The following ZMIZ1 variants were observed in gnomAD, a reference collection of about 807,000 sequenced individuals.
ZMIZ1 encodes zinc finger MIZ-type containing 1.
A neutral mutation model predicts 113.9 loss-of-function variants in ZMIZ1; 17 were observed. That is an observed-to-expected ratio of 0.15 (90% confidence interval 0.10 to 0.22). The LOEUF (loss-of-function observed/expected upper bound fraction) is 0.22, where lower values mean the gene tolerates loss of function less well. ZMIZ1 is among the 10% of genes least tolerant of loss of function. ZMIZ1 has a pLI of 1.00. For missense variants in ZMIZ1, 1,059 were observed against 1,477.8 expected (o/e 0.72, Z 4.65); for synonymous variants, 607 against 603.1 (o/e 1.01, Z -0.09).
At chr10:79,312,572 C>T in intron 24 of ZMIZ1, 70 bp from the exon 25 acceptor site, 1 of 1,555,960 alleles carries the variant, frequency 6.4e-7, no homozygotes, top group Non-Finnish European at 8.9e-7. Context: ...CAGGGCGCCC[C>T]TGCATTCCTC....
chr10:79,117,600 T>C (rs1340418094), intron 1 of ZMIZ1, among the ~76,000 whole-genome samples: 2 of 152,214 alleles, frequency 1.3e-5, no homozygotes, highest in Admixed American at 1.3e-4. Context: ...TTCTAACACA[T>C]GTCTTCTGGT....
intron 23 of ZMIZ1, 48 bp downstream of exon 23, chr10:79,307,619 G>C: frequency 1.3e-6 from 2 of 1,579,194 alleles, no homozygotes; most frequent in Non-Finnish European, 1.7e-6. Context: ...CTTTGGGGTT[G>C]ATGCCTTGGG....
Position 79,304,163 on chromosome 10 carries a change from C to A in ZMIZ1, c.2274C>A (p.Cys758Ter). The A allele has an allele frequency of 6.2e-7, 1 of 1,613,512 alleles. No individual in the cohort carries two copies. The highest frequency in any genetic ancestry group is 8.5e-7 in the Non-Finnish European group (1 of 1,179,544). The change falls in exon 19 of 25, where the codon TGC becomes TGA. Residue 758 changes from cysteine to a stop codon, truncating the protein, a stop_gained. Transcript: ENST00000334512. LOFTEE classifies it high-confidence loss of function. ...AGCTGCCTGCTCGAGGACACGATTGCAAGCATGTGCAGGTGAGCGGCCCCA... is the reference window on the plus strand; with the variant it reads ...AGCTGCCTGCTCGAGGACACGATTGAAAGCATGTGCAGGTGAGCGGCCCCA... ...RIQLPARGHD[C>*]KHVQCFDLES...
At chr10:79,194,441 T>TTGGCTGCCACCCTTGGGAGC (rs1441973193) in intron 4 of ZMIZ1, among the ~76,000 whole-genome samples, 4 of 152,352 alleles carry the variant, frequency 2.6e-5, no homozygotes, top group African/African-American at 9.6e-5. Flanking sequence ...GACTGTTCGG[T>TTGGCTGCCACCCTTGGGAGC]TGGCTGCCAC....
chr10:79,301,791 C>T (rs901343802), intron 17 of ZMIZ1, among the ~76,000 whole-genome samples: 2 of 151,986 alleles, frequency 1.3e-5, no homozygotes, highest in African/African-American at 4.8e-5. Flanking sequence ...AGCACCCTGG[C>T]AGGAAGGGCT....
intron 6 of ZMIZ1, among the ~76,000 whole-genome samples, chr10:79,209,628 A>G (rs1848460461): frequency 6.6e-6 from 1 of 152,246 alleles, no homozygotes; most frequent in Non-Finnish European, 1.5e-5. Context: ...AAAGGCCCAC[A>G]TGGCCTTGGC....
chr10:79,158,466 C>T (rs1235382707), intron 3 of ZMIZ1, among the ~76,000 whole-genome samples: 1 of 152,228 alleles, frequency 6.6e-6, no homozygotes, highest in Non-Finnish European at 1.5e-5. Context: ...AAACCCAATT[C>T]TACCCACTCT....
chr10:79,144,100 C>T (rs1240211596), intron 3 of ZMIZ1, among the ~76,000 whole-genome samples: 2 of 152,120 alleles, frequency 1.3e-5, no homozygotes, highest in African/African-American at 4.8e-5. Flanking sequence ...TTAGTGTGCC[C>T]GGCGGAGGGG....
intron 4 of ZMIZ1, among the ~76,000 whole-genome samples, chr10:79,183,358 GCACA>G (rs57212618): frequency 0.26 from 38,550 of 150,606 alleles, 6,246 homozygotes; most frequent in African/African-American, 0.47. Context: ...TCGTGCACGC[GCACA>G]CACACACACA....
intron 6 of ZMIZ1, among the ~76,000 whole-genome samples, chr10:79,213,124 C>A (rs1429009771): frequency 6.6e-6 from 1 of 152,200 alleles, no homozygotes; most frequent in African/African-American, 2.4e-5. Context: ...CAGCCACTCA[C>A]ACTGGCCTTT....
chr10:79,187,433 G>C (rs930970131), intron 4 of ZMIZ1, among the ~76,000 whole-genome samples: 5 of 152,226 alleles, frequency 3.3e-5, no homozygotes, highest in Non-Finnish European at 5.9e-5. Context: ...ACCTCTCTGG[G>C]CCTCAGGTTC....
At chr10:79,188,393 C>G (rs1012472293) in intron 4 of ZMIZ1, among the ~76,000 whole-genome samples, 2 of 152,214 alleles carry the variant, frequency 1.3e-5, no homozygotes, top group African/African-American at 2.4e-5. Context: ...TCTTCCCGCC[C>G]CCGAGCCAGT....
At chr10:79,293,821 C>A in intron 12 of ZMIZ1, 168 bp downstream of exon 12, 1 of 1,022,188 alleles carries the variant, frequency 9.8e-7, no homozygotes, top group Non-Finnish European at 1.5e-6. Context: ...CCTGGTTCTG[C>A]TGTTTCCCAA....
intron 7 of ZMIZ1, among the ~76,000 whole-genome samples, chr10:79,260,161 G>A (rs1458425313): frequency 3.3e-5 from 5 of 152,252 alleles, no homozygotes; most frequent in Admixed American, 3.3e-4. Flanking sequence ...TTGTGTACCT[G>A]CAGTGCCCTG....
At chr10:79,201,548 C>G (rs919367468) in intron 4 of ZMIZ1, 36 bp from the exon 5 acceptor site, 2 of 1,509,730 alleles carry the variant, frequency 1.3e-6, no homozygotes, top group Non-Finnish European at 1.8e-6. Context: ...GCAGGCCTGG[C>G]GTGATCCAGT....
chr10:79,308,219 T>A (rs1854865130), intron 23 of ZMIZ1, among the ~76,000 whole-genome samples: 2 of 152,164 alleles, frequency 1.3e-5, no homozygotes, highest in Non-Finnish European at 2.9e-5. Context: ...GCCACGTGGT[T>A]CCACTCATTT....
rs1848415082 is a variant in ZMIZ1 at position 79,208,371 on chromosome 10, C to T, written c.96C>T (p.Ala32=). 2 of 1,614,166 alleles carry T rather than the reference C, an allele frequency of 1.2e-6. No individual in the cohort carries two copies. Among genetic ancestry groups the T allele is most frequent in the Non-Finnish European group, 1.7e-6 (2 of 1,180,030 alleles). ...ATCCTGCCAACTTCCACAATGCCGCCACGGAGCTGCTGGACTGGTGCGGAG... is the reference window on the plus strand; with the variant it reads ...ATCCTGCCAACTTCCACAATGCCGCTACGGAGCTGCTGGACTGGTGCGGAG... ...LQNPANFHNA[A]TELLDWCGDP... is the part of the protein sequence containing the mutation. Residue 32 remains alanine (A), a synonymous_variant, in exon 6 of 25, where the codon GCC becomes GCT. Transcript: ENST00000334512.
At chr10:79,130,004 C>T (rs749588767) in intron 2 of ZMIZ1, among the ~76,000 whole-genome samples, 122 of 152,236 alleles carry the variant, frequency 8.0e-4, no homozygotes, top group Admixed American at 2.6e-4. Flanking sequence ...GCTGGTTCAG[C>T]AAAGCTGGGC....
intron 14 of ZMIZ1, 117 bp downstream of exon 14, chr10:79,297,807 C>T (rs1246116397): frequency 7.2e-6 from 6 of 833,790 alleles, no homozygotes; most frequent in South Asian, 6.1e-5. Flanking sequence ...GGTGGGGGTG[C>T]ACTCCCTGGT....
Sources: allele counts gnomAD v4.1 joint callset (sites outside exome capture counted in the v4.1 genomes callset), GRCh38; gene constraint gnomAD v4.1.1; transcripts MANE v1.5; gene names NCBI Gene and HGNC (gene_info 2026-07-23, HGNC 2026-07-21).